Variants in ARHGAP27 observed in about 807,000 individuals in gnomAD.
ARHGAP27 encodes rho GTPase-activating protein 27.
ARHGAP27 carries 53 observed loss-of-function variants against 102.0 expected under a neutral mutation model. The ratio of observed to expected loss-of-function variants is 0.52; its 90% confidence interval spans 0.42 to 0.65. ARHGAP27 has a LOEUF of 0.65. ARHGAP27 is among the 30% of genes least tolerant of loss of function. ARHGAP27 has a pLI of 0.00. For synonymous variants in ARHGAP27, 525 were observed against 542.8 expected, an observed-to-expected ratio of 0.97 and a Z score of 0.46; for missense variants, 1,117 against 1,256.2, an observed-to-expected ratio of 0.89 and a Z score of 1.68.
In ARHGAP27 at chr17:45,430,857, G is replaced by A. The variant is rs12939187; in HGVS notation, c.-18-560C>T. ...TGGAATGTGGGCTCTGTAGGGGGCC[G>A]AGCGAACAGCTCTACCTGGGGGCTG... On this transcript the variant is annotated intron_variant, in intron 3 of 19. Transcript: ENST00000685559. The surrounding 1 kb of genome is among the most constrained non-coding windows in gnomAD (Gnocchi z 4.4). Among the ~76,000 whole-genome samples the A allele has an allele frequency of 6.6e-6, 1 of 152,024 alleles. No individual in the cohort carries two copies.
chr17:45,410,322 G>A (rs772399587), intron 4 of ARHGAP27: 1 of 1,488,968 alleles, frequency 6.7e-7, no homozygotes, highest in South Asian at 1.3e-5. Context: ...ACAGAGCCCT[G>A]GGAAGGTTTT....
rs1479098433 is a variant in ARHGAP27, at chr17:45,427,233, C to A, written c.657+2390G>T. On this transcript the variant is annotated intron_variant, in intron 4 of 19. Coordinates refer to ENST00000685559, the MANE Select transcript of ARHGAP27 (RefSeq NM_001282290.2). This position sits in a 1 kb window ranked among gnomAD's most constrained non-coding sequence, Gnocchi z 4.5. ...GCCACAGGGATTTTTTTCTCAATCC[C>A]ATTCCTGTCTCTGCTAAAAGCCTCA... Among the ~76,000 whole-genome samples, 2 of 152,150 alleles carry A rather than the reference C, an allele frequency of 1.3e-5. No homozygotes were observed. Among genetic ancestry groups the A allele is most frequent in the Non-Finnish European group, 2.9e-5 (2 of 68,028 alleles).
rs889110305 is a variant in ARHGAP27, at chr17:45,396,774, G to A, written c.1968C>T (p.Gly656=). 2 of 1,612,422 alleles carry A rather than the reference G, an allele frequency of 1.2e-6. No individual in the cohort carries two copies. Among genetic ancestry groups the A allele is most frequent in the Admixed American group, 3.3e-5 (2 of 59,886 alleles). Reference sequence around the variant, plus strand: ...TCAAGTCGCTCTCCAGGCCCACGGGGCCCAGGGCGGGCGCGGCTGCCGCGG... The same window carrying A: ...TCAAGTCGCTCTCCAGGCCCACGGGACCCAGGGCGGGCGCGGCTGCCGCGG... ...ARPNAAAPAL[G]PVGLESDLSK... The change falls in exon 15 of 20, where the codon GGC becomes GGT. Residue 656 remains glycine, a synonymous_variant. Coordinates refer to ENST00000685559, the MANE Select transcript of ARHGAP27 (RefSeq NM_001282290.2).
chr17:45,396,468 AC>A lies in ARHGAP27; in HGVS notation c.2173+18del, dbSNP rs746015840. The A allele has an allele frequency of 8.6e-6, 13 of 1,512,874 alleles. No individual in the cohort carries two copies. In the African/African-American group the frequency reaches 1.4e-4, roughly 16 times the overall value. 93.7% of individuals were successfully genotyped at this position (1,512,874 alleles called of 1,614,324 possible). The stretch of plus-strand genomic sequence containing the variant: ...GGGCACCCCAATGCCTGCCGCCCTC[AC>A]CCCCGCAGCGCACGTACCGCGGGCC... On this transcript the variant is annotated intron_variant, in intron 16 of 19. Transcript: ENST00000685559.
At chr17:45,425,369 T>G (rs910377579) in intron 4 of ARHGAP27, among the ~76,000 whole-genome samples, 1 of 152,154 alleles carries the variant, frequency 6.6e-6, no homozygotes, top group Admixed American at 6.5e-5. Context: ...CAGGAGGGTC[T>G]GTCCCAAGGC....
In ARHGAP27 at chr17:45,394,230, T is replaced by C. The variant is rs898058587; in HGVS notation, c.*1226A>G. 2.0e-5 allele frequency: 3 copies of C among 152,260 alleles called. No homozygotes were observed. Among genetic ancestry groups the C allele is most frequent in the African/African-American group, 7.2e-5 (3 of 41,452 alleles). The allele number at this position is 152,260 out of a possible 1,614,324, so 9.4% of individuals were successfully genotyped here. On this transcript the variant is annotated 3_prime_UTR_variant, in exon 20 of 20. Coordinates refer to ENST00000685559, the MANE Select transcript of ARHGAP27 (RefSeq NM_001282290.2). ...ATATCAGCTGTCATTGTCTGTTGAA[T>C]AAATGAACAGGTGGGTTGGTGGGGC...
chr17:45,415,047 AG>A (rs2048322261), intron 4 of ARHGAP27, among the ~76,000 whole-genome samples: 1 of 146,230 alleles, frequency 6.8e-6, no homozygotes, highest in Non-Finnish European at 1.5e-5. Flanking sequence ...TGGGTGACAG[AG>A]AGAGAGTCCA....
At chr17:45,407,205 T>C (rs1025272392) in intron 4 of ARHGAP27, among the ~76,000 whole-genome samples, 1 of 152,134 alleles carries the variant, frequency 6.6e-6, no homozygotes, top group Non-Finnish European at 1.5e-5. Context: ...TAAGCTCCAG[T>C]AGCACCAGTT....
chr17:45,396,166 C>T lies in ARHGAP27; in HGVS notation c.2251+41G>A, dbSNP rs377722433. On this transcript the variant is annotated intron_variant, in intron 17 of 19. Coordinates refer to ENST00000685559, the MANE Select transcript of ARHGAP27 (RefSeq NM_001282290.2). ...ACGGAAGGGAAATCAGTACCCCTTG[C>T]GCCTTCAGGCCCTGGGGCAGGGGTT... 2.3e-5 allele frequency: 37 copies of T among 1,593,958 alleles called. No individual in the cohort carries two copies. The African/African-American group carries it at 4.0e-4, about 17-fold the overall frequency.
intron 6 of ARHGAP27, 110 bp from the exon 7 acceptor site, chr17:45,404,791 G>T: frequency 6.7e-7 from 1 of 1,502,748 alleles, no homozygotes; most frequent in Non-Finnish European, 9.1e-7. Flanking sequence ...AGGGGCAGGT[G>T]CAGGTGACTG....
chr17:45,422,082 G>T (rs1362112363), intron 4 of ARHGAP27, among the ~76,000 whole-genome samples: 1 of 152,032 alleles, frequency 6.6e-6, no homozygotes, highest in Non-Finnish European at 1.5e-5. Flanking sequence ...AGGAGAATCA[G>T]TTGAATCTGG....
intron 4 of ARHGAP27, among the ~76,000 whole-genome samples, chr17:45,415,060 C>T (rs1220731645): frequency 1.5e-5 from 2 of 133,782 alleles, no homozygotes; most frequent in African/African-American, 5.7e-5. Flanking sequence ...GAGAGTCCAT[C>T]TCAAAAAAAA....
rs2045413941 is a variant in ARHGAP27 at position 45,394,949 on chromosome 17, GCCCACA to G, written c.*501_*506del. ...AGGCCTGAGGAGGATAGCTTCAGCAGCCCACACTGAAGGCTGGGTCAGTCCTGTTTC... is the reference window on the plus strand; with the variant it reads ...AGGCCTGAGGAGGATAGCTTCAGCAGCTGAAGGCTGGGTCAGTCCTGTTTC... On this transcript the variant is annotated 3_prime_UTR_variant, in exon 20 of 20. Transcript: ENST00000685559. 1.3e-5 allele frequency: 2 copies of G among 155,112 alleles called. No homozygotes were observed. Among genetic ancestry groups the G allele is most frequent in the African/African-American group, 4.8e-5 (2 of 41,480 alleles). The allele number at this position is 155,112 out of a possible 1,614,324, so 9.6% of individuals were successfully genotyped here. A position where few individuals can be genotyped will look rare whatever the true frequency, so the allele number is the denominator to read the frequency against.
intron 4 of ARHGAP27, among the ~76,000 whole-genome samples, chr17:45,422,250 CA>C (rs35947196): frequency 3.6e-3 from 506 of 141,690 alleles, no homozygotes; most frequent in Middle Eastern, 7.2e-3. Flanking sequence ...CAAAAAATAC[CA>C]AAAAAAAAAA....
In ARHGAP27 at chr17:45,404,029, C is replaced by T. The variant is rs776297819; in HGVS notation, c.1547G>A (p.Arg516Gln). The T allele has an allele frequency of 3.7e-6, 6 of 1,613,706 alleles. No individual in the cohort carries two copies. The highest frequency in any genetic ancestry group is 1.3e-5 in the African/African-American group (1 of 74,838). Residue 516 changes from arginine (R) to glutamine (Q), a missense_variant and splice_region_variant, in exon 10 of 20, where the codon CGG becomes CAG. This residue lies in a region of ARHGAP27 where 14 missense variants were observed against 34.4 expected (regional missense o/e 0.41). Coordinates refer to ENST00000685559, the MANE Select transcript of ARHGAP27 (RefSeq NM_001282290.2). ...TKTADKGKRLRKKHWSASWTV... is the reference protein window; with the variant it reads ...TKTADKGKRLQKKHWSASWTV... Reference sequence around the variant, plus strand: ...GGCCTGAGTGTAGATGGGCTCTCACCGGAGCCGCTTTCCCTTGTCTGCCGT... The same window carrying T: ...GGCCTGAGTGTAGATGGGCTCTCACTGGAGCCGCTTTCCCTTGTCTGCCGT...
intron 4 of ARHGAP27, among the ~76,000 whole-genome samples, chr17:45,413,573 G>T (rs1344099839): frequency 6.6e-6 from 1 of 152,184 alleles, no homozygotes; most frequent in African/African-American, 2.4e-5. Flanking sequence ...ACACCCATGG[G>T]GATTGGGGGA....
In ARHGAP27 at chr17:45,402,833, G is replaced by A; in HGVS notation, c.1639-15C>T. Reference sequence around the variant, plus strand: ...GAAGGCTGCCTCTGTGGGAGAGGGAGGAAGGTCACAGGGAGCCCTCAGTTC... The same window carrying A: ...GAAGGCTGCCTCTGTGGGAGAGGGAAGAAGGTCACAGGGAGCCCTCAGTTC... On this transcript the variant is annotated splice_polypyrimidine_tract_variant and intron_variant, in intron 11 of 19. Transcript: ENST00000685559. 1.9e-6 allele frequency: 3 copies of A among 1,600,178 alleles called. No homozygotes were observed. Among genetic ancestry groups the A allele is most frequent in the Non-Finnish European group, 2.6e-6 (3 of 1,167,638 alleles).
chr17:45,397,196 G>A, intron 13 of ARHGAP27, 172 bp from the exon 14 acceptor site: 16 of 1,435,056 alleles, frequency 1.1e-5, no homozygotes, highest in Non-Finnish European at 1.5e-5. Flanking sequence ...CAGTGAGCCT[G>A]AGAACATTCA....
intron 12 of ARHGAP27, among the ~76,000 whole-genome samples, chr17:45,398,746 AC>A (rs914503227): frequency 5.4e-5 from 8 of 148,408 alleles, no homozygotes; most frequent in South Asian, 4.3e-4. Context: ...AAAAAAAAAA[AC>A]AAAACAAAAC....
Sources: gnomAD v4.1 joint callset for allele counts (sites outside exome capture counted in the v4.1 genomes callset) on GRCh38, gnomAD v4.1.1 for gene constraint, gnomAD v4.1.1 regional missense constraint, Gnocchi (gnomAD v3.1) non-coding constraint, MANE v1.5 for transcripts, NCBI Gene and HGNC (gene_info 2026-07-23, HGNC 2026-07-21) for gene names.